Variants in WSB1 observed in about 807,000 individuals in gnomAD.
WSB1 encodes the protein WD repeat and SOCS box-containing protein 1.
A neutral mutation model predicts 50.2 loss-of-function variants in WSB1; 23 were observed. The observed-to-expected ratio is 0.46, with a 90% CI of 0.33 to 0.65. The LOEUF (loss-of-function observed/expected upper bound fraction) is 0.65. Ranked by LOEUF, WSB1 falls within the 30% of genes least tolerant of loss-of-function variation. The pLI is 0.02. For synonymous variants in WSB1, 179 were observed against 172.0 expected (o/e 1.04, Z -0.32); for missense variants, 492 against 522.3 (o/e 0.94, Z 0.56).
At chr17:27,304,998 T>G in intron 4 of WSB1, 87 bp downstream of exon 4, 3 of 1,530,058 alleles carry the variant, frequency 2.0e-6, no homozygotes, top group Non-Finnish European at 2.7e-6. Context: ...GCATTTGACT[T>G]TAAAAATGAC....
chr17:27,300,824 G>C (rs145563087), intron 1 of WSB1, among the ~76,000 whole-genome samples: 1 of 151,308 alleles, frequency 6.6e-6, no homozygotes, highest in East Asian at 1.9e-4. Context: ...CAAGAAGCTG[G>C]GATTACAGAC....
rs772839907 is a variant in WSB1, at chr17:27,310,165, C to A, written c.989C>A (p.Ala330Asp). The change falls in exon 7 of 9, where the codon GCT (alanine) becomes GAT (aspartate). Residue 330 changes from alanine to aspartate, a missense_variant. Coordinates refer to ENST00000262394, the MANE Select transcript of WSB1 (RefSeq NM_015626.10). ...GATGGACTGCATGTTGCAAGCCTTG[C>A]TGATGATAAGTAAGTATGTGCATTA... The part of the protein sequence containing the change: ...SHDGLHVASL[A>D]DDKMVRFWRI... 6.2e-7 allele frequency: 1 copy of A among 1,613,740 alleles called. No homozygotes were observed. The highest frequency in any genetic ancestry group is 1.7e-5 in the Admixed American group (1 of 60,012).
At chr17:27,311,010 T>C (rs1167632506) in intron 7 of WSB1, among the ~76,000 whole-genome samples, 2 of 152,016 alleles carry the variant, frequency 1.3e-5, no homozygotes, top group East Asian at 3.9e-4. Flanking sequence ...CACACCTGGC[T>C]AGTTTTTTTA....
At chr17:27,307,011 T>C in intron 5 of WSB1, 129 bp downstream of exon 5, 2 of 831,054 alleles carry the variant, frequency 2.4e-6, no homozygotes, top group Non-Finnish European at 3.7e-6. Flanking sequence ...TTTTATTTCA[T>C]GATGGGGGAG....
intron 4 of WSB1, 133 bp downstream of exon 4, chr17:27,305,044 T>G (rs1260377040): frequency 1.2e-5 from 13 of 1,120,068 alleles, no homozygotes; most frequent in Admixed American, 4.5e-5. Context: ...CCTTAACACT[T>G]AGGTTCCTTT....
In WSB1 at chr17:27,312,595, A is replaced by T. The variant is rs1439994401; in HGVS notation, c.*226A>T. 1 of 517,320 alleles carries T rather than the reference A, an allele frequency of 1.9e-6. No homozygotes were observed. Among genetic ancestry groups the T allele is most frequent in the Non-Finnish European group, 3.3e-6 (1 of 307,248 alleles). 32.0% of individuals were successfully genotyped at this position (517,320 alleles called of 1,614,324 possible). ...AATTTTTTTAAAGATCTAACTGTGA[A>T]AACATACATACCTGTACATATTTAG... On this transcript the variant is annotated 3_prime_UTR_variant, in exon 9 of 9. Coordinates refer to ENST00000262394, the MANE Select transcript of WSB1 (RefSeq NM_015626.10).
Position 27,304,861 on chromosome 17 carries a change from TGTCA to T in WSB1, c.562_565del (p.Ser188LeufsTer12), listed in dbSNP as rs761557879. The T allele has an allele frequency of 2.5e-6, 4 of 1,613,988 alleles. No homozygotes were observed. Among genetic ancestry groups the T allele is most frequent in the Non-Finnish European group, 8.5e-7 (1 of 1,179,990 alleles). ...GCTCCAGATGGAAGCTTGATCCTGGTGTCAGCTTCAAGAGACAAAACTCTCAGAG... is the reference window on the plus strand; with the variant it reads ...GCTCCAGATGGAAGCTTGATCCTGGTGCTTCAAGAGACAAAACTCTCAGAG... On this transcript the variant is annotated frameshift_variant, in exon 4 of 9. Coordinates refer to ENST00000262394, the MANE Select transcript of WSB1 (RefSeq NM_015626.10). LOFTEE classifies it high-confidence loss of function.
At position 27,306,842 on chromosome 17, in the gene WSB1, C is replaced by T; in HGVS notation, c.671C>T (p.Pro224Leu). The T allele has an allele frequency of 6.2e-7, 1 of 1,614,148 alleles. No individual in the cohort carries two copies. ...TGGGTGTACAGCTGTGCATTCTCTC[C>T]TGACTCTTCTATGCTGTGTTCAGTC... ...QNWVYSCAFSPDSSMLCSVGA... is the reference protein window; with the variant it reads ...QNWVYSCAFSLDSSMLCSVGA... The change falls in exon 5 of 9, where the codon CCT (proline) becomes CTT (leucine). Residue 224 changes from proline (P) to leucine (L), a missense_variant. Physicochemically the swap from Pro to Leu is moderately conservative, Grantham distance 98. Transcript: ENST00000262394.
At chr17:27,308,439 A>G (rs2017543938) in intron 5 of WSB1, 1 of 984,768 alleles carries the variant, frequency 1.0e-6, no homozygotes, top group African/African-American at 1.7e-5. Flanking sequence ...TTAGTTTGGG[A>G]AAAATAAGAT....
At chr17:27,311,848 G>A (rs546213335) in intron 8 of WSB1, among the ~76,000 whole-genome samples, 17 of 151,908 alleles carry the variant, frequency 1.1e-4, no homozygotes, top group Admixed American at 5.2e-4. Flanking sequence ...CACCATGTTC[G>A]CCTGGCTGGT....
At position 27,311,831 on chromosome 17, in the gene WSB1, G is replaced by A. The variant is rs144908923; in HGVS notation, c.1106+215G>A. Among the ~76,000 whole-genome samples the A allele has an allele frequency of 8.3e-3, 1,259 of 151,714 alleles. 24 individuals are homozygous for A. The highest frequency in any genetic ancestry group is 0.029 in the African/African-American group (1,212 of 41,348). ...GTTTGTTCGTTTTTCCAGTAGGGTC[G>A]GGATTTCACCATGTTCGCCTGGCTG... On this transcript the variant is annotated intron_variant, in intron 8 of 8. Transcript: ENST00000262394.
chr17:27,296,216 T>G (rs141268329), intron 1 of WSB1, among the ~76,000 whole-genome samples: 6 of 151,960 alleles, frequency 3.9e-5, no homozygotes, highest in Non-Finnish European at 8.8e-5. Flanking sequence ...GTTCCCCCAC[T>G]AGCCCCCTGA....
intron 2 of WSB1, chr17:27,302,431 A>G (rs1404980513): frequency 6.6e-6 from 1 of 151,142 alleles, no homozygotes; most frequent in African/African-American, 2.5e-5. Context: ...AAAAAAAAAG[A>G]ATTGTCTGGT....
At chr17:27,296,495 C>T (rs1040759331) in intron 1 of WSB1, among the ~76,000 whole-genome samples, 2 of 152,020 alleles carry the variant, frequency 1.3e-5, no homozygotes, top group Admixed American at 1.3e-4. Context: ...AAAAGCCAAG[C>T]CAAGTTTAGT....
intron 3 of WSB1, 69 bp downstream of exon 3, chr17:27,303,704 A>G (rs1441851013): frequency 7.8e-6 from 12 of 1,543,002 alleles, no homozygotes; most frequent in African/African-American, 1.4e-5. Flanking sequence ...TAGGCACTGG[A>G]ATTGGGATTT....
chr17:27,297,198 C>T (rs1015399020), intron 1 of WSB1: 3 of 152,028 alleles, frequency 2.0e-5, no homozygotes, highest in Non-Finnish European at 2.9e-5. Context: ...CTGAGTCTCG[C>T]TCCGTCGTCC....
In WSB1 at chr17:27,306,887, G is replaced by A. The variant is rs374904389; in HGVS notation, c.711+5G>A. 60 of 1,613,458 alleles carry A rather than the reference G, an allele frequency of 3.7e-5. No individual in the cohort carries two copies. Among genetic ancestry groups the A allele is most frequent in the African/African-American group, 2.7e-4 (20 of 74,894 alleles). Reference sequence around the variant, plus strand: ...TCAGTCGGAGCCAGTAAAGCAGTACGTGTCAAAGTTCTTGTACATTCATTA... The same window carrying A: ...TCAGTCGGAGCCAGTAAAGCAGTACATGTCAAAGTTCTTGTACATTCATTA... On this transcript the variant is annotated splice_donor_5th_base_variant and intron_variant, in intron 5 of 8. Transcript: ENST00000262394.
chr17:27,303,236 G>T (rs2017307719), intron 2 of WSB1, 131 bp from the exon 3 acceptor site: 1 of 1,026,904 alleles, frequency 9.7e-7, no homozygotes, highest in Non-Finnish European at 1.4e-6. Flanking sequence ...CCTATCTATA[G>T]GATTCTATTG....
At position 27,294,196 on chromosome 17, in the gene WSB1, G is replaced by A. The variant is rs1356398299; in HGVS notation, c.-200G>A. The A allele has an allele frequency of 6.9e-6, 4 of 579,308 alleles. No homozygotes were observed. In the East Asian group the frequency reaches 1.2e-4, roughly 18 times the overall value. The allele number at this position is 579,308 out of a possible 1,614,324, so 35.9% of individuals were successfully genotyped here. On this transcript the variant is annotated 5_prime_UTR_variant, in exon 1 of 9. Transcript: ENST00000262394. The stretch of plus-strand genomic sequence containing the variant: ...CTGGGTACAGGGTCTATTGTCTGTG[G>A]TTGACTCCGTACTTTGGTCTGAGGC...
Sources: gnomAD v4.1 joint callset for allele counts (sites outside exome capture counted in the v4.1 genomes callset) on GRCh38, gnomAD v4.1.1 for gene constraint, MANE v1.5 for transcripts, NCBI Gene and HGNC (gene_info 2026-07-23, HGNC 2026-07-21) for gene names.